Variants in LINC00305 observed in about 807,000 individuals in gnomAD.
LINC00305 encodes long intergenic non-protein coding RNA 305.
intron 1 of LINC00305, among the ~76,000 whole-genome samples, chr18:64,103,873 A>T (rs962516896): frequency 1.3e-5 from 2 of 152,234 alleles, no homozygotes; most frequent in Non-Finnish European, 2.9e-5. Flanking sequence ...ATGTAGAATG[A>T]TCTGTGGACA....
chr18:64,089,149 G>T (rs373663406), intron 3 of LINC00305, among the ~76,000 whole-genome samples: 3 of 152,176 alleles, frequency 2.0e-5, no homozygotes, highest in Admixed American at 1.3e-4. Flanking sequence ...AATCCCCAGA[G>T]GTAGAGAGAG....
At chr18:64,093,917 A>G in intron 3 of LINC00305, among the ~76,000 whole-genome samples, 1 of 147,000 alleles carries the variant, frequency 6.8e-6, no homozygotes, top group South Asian at 2.1e-4. Flanking sequence ...CAAAGAACTT[A>G]CAGTTTAATT....
chr18:64,125,556 G>A (rs577964771), intron 1 of LINC00305, among the ~76,000 whole-genome samples: 10 of 152,012 alleles, frequency 6.6e-5, no homozygotes, highest in Admixed American at 2.6e-4. Context: ...TAAGTATGTC[G>A]CAATTTTTTT....
At chr18:64,122,771 G>C (rs535517944) in intron 1 of LINC00305, among the ~76,000 whole-genome samples, 1 of 152,158 alleles carries the variant, frequency 6.6e-6, no homozygotes, top group African/African-American at 2.4e-5. Context: ...AGATTGCCTT[G>C]AGCAGGATTG....
In LINC00305 at chr18:64,093,253, A is replaced by G. The variant is rs1401912586; in HGVS notation, n.540+4581T>C. ...ATTACAAAAAGTTCACAACTTCCCC[A>G]CATGAATATACCTGACAGCCAGTTA... On this transcript the variant is annotated intron_variant and non_coding_transcript_variant, in intron 3 of 3. Transcript: ENST00000666468. 7.2e-5 allele frequency among the ~76,000 whole-genome samples: 11 copies of G among 152,332 alleles called. No homozygotes were observed. In the East Asian group the frequency reaches 2.1e-3, roughly 29 times the overall value.
intron 2 of LINC00305, among the ~76,000 whole-genome samples, chr18:64,098,402 C>T (rs1481852021): frequency 1.3e-5 from 2 of 152,138 alleles, no homozygotes; most frequent in African/African-American, 4.8e-5. Flanking sequence ...ACACCAGTTC[C>T]ACATTCAATT....
At chr18:64,100,041 C>T (rs1599210545) in intron 1 of LINC00305, among the ~76,000 whole-genome samples, 4 of 152,202 alleles carry the variant, frequency 2.6e-5, no homozygotes, top group South Asian at 2.1e-4. Context: ...AACCCTACTT[C>T]GACATAGCAC....
At chr18:64,142,914 A>G (rs535666803) in intron 1 of LINC00305, among the ~76,000 whole-genome samples, 29 of 152,344 alleles carry the variant, frequency 1.9e-4, no homozygotes, top group African/African-American at 6.7e-4. Flanking sequence ...ACTGCAACAT[A>G]GATGAACTTT....
At chr18:64,091,581 G>C (rs913718039) in intron 3 of LINC00305, among the ~76,000 whole-genome samples, 1 of 152,146 alleles carries the variant, frequency 6.6e-6, no homozygotes, top group Non-Finnish European at 1.5e-5. Flanking sequence ...TGCAAATCAG[G>C]AAACTGAGGT....
intron 1 of LINC00305, among the ~76,000 whole-genome samples, chr18:64,112,443 T>C (rs1028780460): frequency 2.6e-5 from 4 of 152,138 alleles, no homozygotes; most frequent in Admixed American, 2.0e-4. Context: ...CATATTTCCG[T>C]TGGAAGAAAA....
chr18:64,121,376 A>C (rs532497895), intron 1 of LINC00305, among the ~76,000 whole-genome samples: 73 of 152,038 alleles, frequency 4.8e-4, no homozygotes, highest in Non-Finnish European at 4.1e-4. Flanking sequence ...TTCATTGTCC[A>C]TCATTTGACA....
intron 3 of LINC00305, chr18:64,097,746 A>C: frequency 2.5e-6 from 1 of 395,802 alleles, no homozygotes. Context: ...TCAAGTCCTC[A>C]TATTGAATAC....
At chr18:64,141,604 C>G (rs1210157208) in intron 1 of LINC00305, among the ~76,000 whole-genome samples, 1 of 152,068 alleles carries the variant, frequency 6.6e-6, no homozygotes, top group East Asian at 1.9e-4. Context: ...ATCTACCTCC[C>G]AAGAATGGTA....
chr18:64,119,913 T>C (rs941721495), intron 1 of LINC00305, among the ~76,000 whole-genome samples: 4 of 152,084 alleles, frequency 2.6e-5, no homozygotes, highest in East Asian at 1.9e-4. Flanking sequence ...GTCTGTTAGA[T>C]AGATATTAAA....
intron 3 of LINC00305, among the ~76,000 whole-genome samples, chr18:64,082,894 T>C (rs2051190319): frequency 6.6e-6 from 1 of 152,148 alleles, no homozygotes. Flanking sequence ...CTTTTAAAAT[T>C]CTTGTTTCTA....
intron 3 of LINC00305, among the ~76,000 whole-genome samples, chr18:64,097,420 A>G (rs1011332904): frequency 1.2e-4 from 19 of 152,114 alleles, no homozygotes; most frequent in Non-Finnish European, 2.2e-4. Context: ...ACTCAAGACA[A>G]TGGATTCTTA....
At chr18:64,108,278 G>A (rs1431351298) in intron 1 of LINC00305, among the ~76,000 whole-genome samples, 1 of 152,208 alleles carries the variant, frequency 6.6e-6, no homozygotes, top group African/African-American at 2.4e-5. Context: ...AATCTATAAA[G>A]GAAGCTAAGG....
intron 1 of LINC00305, among the ~76,000 whole-genome samples, chr18:64,113,478 C>T (rs1388642337): frequency 6.6e-6 from 1 of 152,044 alleles, no homozygotes; most frequent in Non-Finnish European, 1.5e-5. Flanking sequence ...AAGTTCCTGC[C>T]CCCTGCACCT....
chr18:64,095,150 A>G (rs778943509), intron 3 of LINC00305, among the ~76,000 whole-genome samples: 3 of 152,126 alleles, frequency 2.0e-5, no homozygotes, highest in Admixed American at 6.5e-5. Flanking sequence ...ACCCCTTTTG[A>G]GCTTAAAATT....
Sources: allele counts gnomAD v4.1 joint callset (sites outside exome capture counted in the v4.1 genomes callset), GRCh38; gene constraint gnomAD v4.1.1; transcripts MANE v1.5; gene names NCBI Gene and HGNC (gene_info 2026-07-23, HGNC 2026-07-21).